Variants in GPATCH2 observed in about 807,000 individuals in gnomAD.
GPATCH2 encodes the protein G-patch domain containing 2, also known as G patch domain-containing protein 2.
A neutral mutation model predicts 58.0 loss-of-function variants in GPATCH2; 51 were observed. That is an observed-to-expected ratio of 0.88 (90% CI 0.70 to 1.11). The LOEUF is 1.11. GPATCH2 is among the 50% of genes most tolerant of loss of function. GPATCH2 has a pLI of 0.00. For missense variants in GPATCH2, 625 were observed against 652.2 expected, an observed-to-expected ratio of 0.96 and a Z score of 0.45; for synonymous variants, 222 against 218.5, an observed-to-expected ratio of 1.02 and a Z score of -0.14.
intron 8 of GPATCH2, among the ~76,000 whole-genome samples, chr1:217,482,283 AC>A (rs1177285910): frequency 6.6e-6 from 1 of 152,234 alleles, no homozygotes; most frequent in Admixed American, 6.5e-5. Flanking sequence ...AGTGAGTAAA[AC>A]AAAGACCATG....
At chr1:217,561,545 A>G (rs2102692645) in intron 5 of GPATCH2, among the ~76,000 whole-genome samples, 1 of 152,344 alleles carries the variant, frequency 6.6e-6, no homozygotes, top group East Asian at 1.9e-4. Flanking sequence ...TTAACTGCAC[A>G]AAATAATCCT....
At chr1:217,630,780 T>C (rs1306600197) in intron 1 of GPATCH2, 136 bp downstream of exon 1, 1 of 630,028 alleles carries the variant, frequency 1.6e-6, no homozygotes. Flanking sequence ...ATCCCAGGAA[T>C]GAGTGAGAGC....
Position 217,430,819 on chromosome 1 carries a change from C to T in GPATCH2, c.*326G>A. On this transcript the variant is annotated 3_prime_UTR_variant, in exon 10 of 10. Transcript: ENST00000366935. ...TCACGTTTGTCTGGGCATTGCAGCACTGCACACATACATGAATTAAGCAAA... is the reference window on the plus strand; with the variant it reads ...TCACGTTTGTCTGGGCATTGCAGCATTGCACACATACATGAATTAAGCAAA... The T allele has an allele frequency of 2.9e-6, 1 of 345,864 alleles. No homozygotes were observed. The highest frequency in any genetic ancestry group is 3.2e-5 in the South Asian group (1 of 30,904). 21.4% of individuals were successfully genotyped at this position (345,864 alleles called of 1,614,324 possible). A position where few individuals can be genotyped will look rare whatever the true frequency, so the allele number is the denominator to read the frequency against.
chr1:217,452,409 C>T (rs1197632430), intron 8 of GPATCH2, among the ~76,000 whole-genome samples: 1 of 152,118 alleles, frequency 6.6e-6, no homozygotes, highest in East Asian at 1.9e-4. Flanking sequence ...TTAAGAAACA[C>T]ATTTTTAGAA....
chr1:217,564,039 C>T (rs1162381996), intron 5 of GPATCH2, among the ~76,000 whole-genome samples: 2 of 98,234 alleles, frequency 2.0e-5, no homozygotes, highest in African/African-American at 7.5e-5. Context: ...AGCAAAACTC[C>T]GTCTCGAAAA....
intron 8 of GPATCH2, among the ~76,000 whole-genome samples, chr1:217,486,474 CACTGCAGCCTCG>C (rs1571787649): frequency 6.6e-6 from 1 of 152,116 alleles, no homozygotes; most frequent in Admixed American, 6.6e-5. Context: ...GATCATGGCT[CACTGCAGCCTCG>C]ACTGCCCAGT....
chr1:217,498,482 TTTGTC>T, intron 6 of GPATCH2, 87 bp from the exon 7 acceptor site: 1 of 952,052 alleles, frequency 1.1e-6, no homozygotes, highest in Non-Finnish European at 1.7e-6. Flanking sequence ...CTTTAAGAAA[TTTGTC>T]ACCAGCAACA....
rs989158283 is a variant in GPATCH2, at chr1:217,474,306, A to G, written c.1277+17374T>C. Among the ~76,000 whole-genome samples the G allele has an allele frequency of 2.0e-5, 3 of 152,190 alleles. No individual in the cohort carries two copies. In the East Asian group the frequency reaches 5.8e-4, roughly 29 times the overall value. ...AGGATTAAAATAGTTAAAATGAGCT[A>G]TTTGTTTAAAGGAAATTATAAAGGT... On this transcript the variant is annotated intron_variant, in intron 8 of 9. Coordinates refer to ENST00000366935, the MANE Select transcript of GPATCH2 (RefSeq NM_018040.5).
intron 5 of GPATCH2, among the ~76,000 whole-genome samples, chr1:217,572,000 A>G (rs12567933): frequency 1.6e-3 from 210 of 135,256 alleles, no homozygotes; most frequent in Admixed American, 9.0e-3. Flanking sequence ...AAGGAAGGAA[A>G]GAAGGAAGGA....
intron 1 of GPATCH2, among the ~76,000 whole-genome samples, chr1:217,624,233 A>G (rs558720690): frequency 6.6e-6 from 1 of 151,996 alleles, no homozygotes; most frequent in South Asian, 2.1e-4. Context: ...TAAAACTGGC[A>G]TCGGCAGGGC....
chr1:217,433,104 T>C (rs1010346971), intron 9 of GPATCH2, among the ~76,000 whole-genome samples: 1 of 151,934 alleles, frequency 6.6e-6, no homozygotes, highest in Non-Finnish European at 1.5e-5. Context: ...CATCATCAGT[T>C]TTCTTCTTCC....
At chr1:217,607,208 T>TCA (rs1427737432) in intron 5 of GPATCH2, among the ~76,000 whole-genome samples, 2 of 152,222 alleles carry the variant, frequency 1.3e-5, no homozygotes, top group Non-Finnish European at 2.9e-5. Flanking sequence ...ACTTTTGTAG[T>TCA]CATTCAGTAA....
chr1:217,538,017 C>A (rs1435794411), intron 5 of GPATCH2, among the ~76,000 whole-genome samples: 1 of 152,050 alleles, frequency 6.6e-6, no homozygotes, highest in Non-Finnish European at 1.5e-5. Context: ...GAAATAAGTA[C>A]AAAACTATTC....
At chr1:217,535,313 G>A (rs940545537) in intron 5 of GPATCH2, among the ~76,000 whole-genome samples, 7 of 152,170 alleles carry the variant, frequency 4.6e-5, no homozygotes, top group Admixed American at 1.3e-4. Flanking sequence ...GAGTGGGTGA[G>A]TTGATACTGA....
At chr1:217,490,945 C>A (rs890946145) in intron 8 of GPATCH2, among the ~76,000 whole-genome samples, 7 of 152,250 alleles carry the variant, frequency 4.6e-5, no homozygotes, top group Middle Eastern at 6.8e-3. Context: ...CATGACATGG[C>A]ACTTTGAAGC....
intron 8 of GPATCH2, among the ~76,000 whole-genome samples, chr1:217,477,680 G>A (rs1252817775): frequency 6.6e-6 from 1 of 152,062 alleles, no homozygotes; most frequent in Non-Finnish European, 1.5e-5. Flanking sequence ...TCCCCTTTGG[G>A]GAGGAAAGAG....
chr1:217,605,575 C>T (rs1029716996), intron 5 of GPATCH2, among the ~76,000 whole-genome samples: 2 of 152,162 alleles, frequency 1.3e-5, no homozygotes, highest in Admixed American at 6.5e-5. Context: ...CCTTCAACAA[C>T]TGTGTTTTAA....
At chr1:217,476,093 C>A (rs1488614709) in intron 8 of GPATCH2, among the ~76,000 whole-genome samples, 1 of 151,336 alleles carries the variant, frequency 6.6e-6, no homozygotes, top group Non-Finnish European at 1.5e-5. Context: ...GCACATAGAA[C>A]AAAAAGCAAA....
intron 1 of GPATCH2, among the ~76,000 whole-genome samples, chr1:217,623,610 C>T (rs1320073105): frequency 6.6e-6 from 1 of 151,944 alleles, no homozygotes; most frequent in African/African-American, 2.4e-5. Flanking sequence ...GAAAATAAAA[C>T]TTATTTTTAG....
Sources: allele counts gnomAD v4.1 joint callset (sites outside exome capture counted in the v4.1 genomes callset), GRCh38; gene constraint gnomAD v4.1.1; transcripts MANE v1.5; gene names NCBI Gene and HGNC (gene_info 2026-07-23, HGNC 2026-07-21).